ATP9B: variants seen among roughly 807,000 people sequenced by gnomAD.
The protein encoded by ATP9B is probable phospholipid-transporting ATPase IIB.
ATP9B carries 110 observed loss-of-function variants against 146.1 expected under a neutral mutation model. That is an observed-to-expected ratio of 0.75 (90% CI 0.65 to 0.88). The LOEUF is 0.88. ATP9B is among the 40% of genes least tolerant of loss of function. The pLI, the probability that ATP9B is intolerant of heterozygous loss-of-function variation, is 0.00. For synonymous variants in ATP9B, 604 were observed against 569.7 expected (o/e 1.06, Z -0.86); for missense variants, 1,499 against 1,496.4 (o/e 1.00, Z -0.03).
chr18:79,206,802 C>T, intron 9 of ATP9B, 135 bp from the exon 10 acceptor site: 4 of 680,188 alleles, frequency 5.9e-6, no homozygotes, highest in African/African-American at 1.8e-5. Context: ...TTTCTAACGT[C>T]TGTTTTGCAG....
chr18:79,166,604 G>A (rs142854464), intron 7 of ATP9B, among the ~76,000 whole-genome samples: 1 of 152,240 alleles, frequency 6.6e-6, no homozygotes, highest in Non-Finnish European at 1.5e-5. Context: ...ACTGAACACG[G>A]GCAAAGTCGT....
intron 13 of ATP9B, among the ~76,000 whole-genome samples, chr18:79,283,607 G>A (rs939333831): frequency 1.4e-4 from 21 of 152,198 alleles, no homozygotes; most frequent in Admixed American, 3.9e-4. Context: ...GCACATTTCC[G>A]GTAAGATCTG....
intron 11 of ATP9B, among the ~76,000 whole-genome samples, chr18:79,233,614 A>T (rs2095812430): frequency 6.6e-6 from 1 of 152,154 alleles, no homozygotes. Context: ...CCCTCACGAG[A>T]GGTGGGGCTT....
chr18:79,329,164 G>A lies in ATP9B; in HGVS notation c.1797G>A (p.Glu599=). The A allele has an allele frequency of 6.2e-7, 1 of 1,607,156 alleles. No individual in the cohort carries two copies. Among genetic ancestry groups the A allele is most frequent in the East Asian group, 2.2e-5 (1 of 44,680 alleles). The change falls in exon 16 of 30, where the codon GAG becomes GAA. Residue 599 remains glutamate (E), a synonymous_variant. Transcript: ENST00000426216. ...PDEVALVQWT[E]SVGLTLVSRD... ...AGGTCGCTCTGGTGCAGTGGACAGA[G>A]AGTGTGGGCCTCACGCTGGTCAGCA...
chr18:79,211,488 C>T (rs530513304), intron 10 of ATP9B, among the ~76,000 whole-genome samples: 14 of 152,234 alleles, frequency 9.2e-5, no homozygotes, highest in African/African-American at 2.9e-4. Context: ...GTCTCGAGGG[C>T]CCTAGTCATG....
intron 9 of ATP9B, among the ~76,000 whole-genome samples, chr18:79,199,451 A>G (rs1396942553): frequency 6.6e-6 from 1 of 152,142 alleles, no homozygotes; most frequent in Non-Finnish European, 1.5e-5. Context: ...TTTACTTTTT[A>G]AACTTTTTTT....
At chr18:79,085,350 C>G (rs2073719321) in intron 1 of ATP9B, 1 of 152,198 alleles carries the variant, frequency 6.6e-6, no homozygotes, top group Admixed American at 6.5e-5. Flanking sequence ...GGACACACAT[C>G]CAAACCATAG....
At chr18:79,327,578 C>T (rs1227670055) in intron 15 of ATP9B, among the ~76,000 whole-genome samples, 13 of 129,046 alleles carry the variant, frequency 1.0e-4, no homozygotes, top group African/African-American at 2.7e-4. Flanking sequence ...GGTTAGCGTG[C>T]TCTCCGTGGT....
At position 79,347,893 on chromosome 18, in the gene ATP9B, A is replaced by C. The variant is rs757515519; in HGVS notation, c.2806A>C (p.Met936Leu). ...GTCGGCGGCACTCGGCCAGTTCGTCATGCACAGGGGCCTTATCATCTCCAC... is the reference window on the plus strand; with the variant it reads ...GTCGGCGGCACTCGGCCAGTTCGTCCTGCACAGGGGCCTTATCATCTCCAC... ...KRSAALGQFV[M>L]HRGLIISTMQ... Residue 936 changes from methionine to leucine, a missense_variant, in exon 24 of 30, where the codon ATG (methionine) becomes CTG (leucine). Physicochemically the swap from Met to Leu is conservative, Grantham distance 15. Coordinates refer to ENST00000426216, the MANE Select transcript of ATP9B (RefSeq NM_198531.5). 1 of 1,613,662 alleles carries C rather than the reference A, an allele frequency of 6.2e-7. No individual in the cohort carries two copies. The highest frequency in any genetic ancestry group is 1.1e-5 in the South Asian group (1 of 91,070).
At chr18:79,295,156 G>A (rs765473071) in intron 13 of ATP9B, among the ~76,000 whole-genome samples, 6 of 152,208 alleles carry the variant, frequency 3.9e-5, no homozygotes, top group Admixed American at 2.6e-4. Context: ...TATACCATGA[G>A]GGATTTCTAG....
chr18:79,244,245 AC>A (rs934045094), intron 11 of ATP9B, among the ~76,000 whole-genome samples: 1 of 149,330 alleles, frequency 6.7e-6, no homozygotes. Flanking sequence ...CTGCTGGGCC[AC>A]CCCCCTGCCC....
At chr18:79,355,662 T>G (rs2096947939) in intron 25 of ATP9B, among the ~76,000 whole-genome samples, 1 of 151,298 alleles carries the variant, frequency 6.6e-6, no homozygotes, top group Non-Finnish European at 1.5e-5. Flanking sequence ...GTACCGTTTG[T>G]GCCGTGGGAG....
chr18:79,319,008 T>A (rs1425321158), intron 15 of ATP9B, among the ~76,000 whole-genome samples: 2 of 152,188 alleles, frequency 1.3e-5, no homozygotes, highest in Non-Finnish European at 2.9e-5. Context: ...AGTGTGTTTC[T>A]GGGCACAGGG....
chr18:79,093,813 T>C (rs1359056512), intron 1 of ATP9B, among the ~76,000 whole-genome samples: 1 of 152,246 alleles, frequency 6.6e-6, no homozygotes, highest in Non-Finnish European at 1.5e-5. Context: ...GAACTTCTGT[T>C]TTTCTATTCA....
chr18:79,348,060 C>A, intron 24 of ATP9B, 72 bp from the exon 25 acceptor site: 1 of 1,603,484 alleles, frequency 6.2e-7, no homozygotes, highest in Non-Finnish European at 8.5e-7. Context: ...GTTAGCGAGG[C>A]CCCTGAGAGG....
chr18:79,335,113 G>C (rs2096816280), intron 17 of ATP9B, among the ~76,000 whole-genome samples: 2 of 151,880 alleles, frequency 1.3e-5, no homozygotes, highest in South Asian at 2.1e-4. Flanking sequence ...CAGAGTTCCA[G>C]AAGTGGCTTC....
intron 4 of ATP9B, among the ~76,000 whole-genome samples, 191 bp from the exon 5 acceptor site, chr18:79,126,076 G>A (rs2147187350): frequency 6.6e-6 from 1 of 152,238 alleles, no homozygotes; most frequent in South Asian, 2.1e-4. Flanking sequence ...AGTATACTAA[G>A]AGTTGCATAC....
intron 5 of ATP9B, among the ~76,000 whole-genome samples, chr18:79,127,533 T>A (rs947029639): frequency 2.6e-5 from 4 of 152,234 alleles, no homozygotes; most frequent in African/African-American, 7.2e-5. Context: ...GTAGCATTCA[T>A]CAGTACTTCA....
intron 7 of ATP9B, among the ~76,000 whole-genome samples, chr18:79,159,611 T>C (rs1397837782): frequency 6.6e-6 from 1 of 152,142 alleles, no homozygotes; most frequent in Non-Finnish European, 1.5e-5. Context: ...ACCCCGCCAC[T>C]TTCAGCTACA....
Sources: allele counts gnomAD v4.1 joint callset (sites outside exome capture counted in the v4.1 genomes callset), GRCh38; gene constraint gnomAD v4.1.1; transcripts MANE v1.5; gene names NCBI Gene and HGNC (gene_info 2026-07-23, HGNC 2026-07-21).